Variants in RIT2 observed in about 807,000 individuals in gnomAD.
The protein encoded by RIT2 is Ras like without CAAX 2.
RIT2 carries 24 observed loss-of-function variants against 23.7 expected under a neutral mutation model. That is an observed-to-expected ratio of 1.01 (90% CI 0.73 to 1.43). RIT2 has a LOEUF of 1.43. Ranked by LOEUF, RIT2 falls within the 40% of genes most tolerant of loss-of-function variation. The pLI is 0.00. For missense variants in RIT2, 236 were observed against 266.9 expected (o/e 0.88, Z 0.81); for synonymous variants, 107 against 91.1 (o/e 1.17, Z -0.99).
At chr18:43,002,974 G>T (rs1295733056) in intron 2 of RIT2, among the ~76,000 whole-genome samples, 1 of 151,912 alleles carries the variant, frequency 6.6e-6, no homozygotes, top group Non-Finnish European at 1.5e-5. Context: ...ATAGAAATAT[G>T]CTGTGTTGTT....
At chr18:42,927,251 C>T (rs1431237857) in intron 3 of RIT2, among the ~76,000 whole-genome samples, 1 of 151,554 alleles carries the variant, frequency 6.6e-6, no homozygotes, top group Non-Finnish European at 1.5e-5. Context: ...AAAATCTTTC[C>T]ACCAATAAAA....
At chr18:42,834,055 A>G (rs374402085) in intron 4 of RIT2, among the ~76,000 whole-genome samples, 249 of 152,294 alleles carry the variant, frequency 1.6e-3, no homozygotes, top group African/African-American at 5.4e-3. Context: ...AAAGAGACGT[A>G]AAATAACTTG....
At chr18:43,097,500 A>G (rs1285984839) in intron 1 of RIT2, among the ~76,000 whole-genome samples, 1 of 151,976 alleles carries the variant, frequency 6.6e-6, no homozygotes, top group East Asian at 1.9e-4. Flanking sequence ...TGAAATTAAA[A>G]TAAGCAGAGA....
chr18:42,809,647 G>A (rs1905780797), intron 4 of RIT2, among the ~76,000 whole-genome samples: 2 of 151,324 alleles, frequency 1.3e-5, no homozygotes, highest in Admixed American at 6.6e-5. Context: ...TTTGATAGAA[G>A]AAATAACAAC....
At chr18:42,915,475 T>G (rs74326333) in intron 4 of RIT2, among the ~76,000 whole-genome samples, 6 of 152,068 alleles carry the variant, frequency 3.9e-5, no homozygotes, top group Non-Finnish European at 7.4e-5. Context: ...CAGCTTTGCT[T>G]TTTTCTTTTC....
intron 4 of RIT2, among the ~76,000 whole-genome samples, chr18:42,884,119 A>G (rs951471594): frequency 3.9e-5 from 6 of 152,232 alleles, no homozygotes; most frequent in Admixed American, 3.9e-4. Flanking sequence ...AGTCAATTTG[A>G]AAACAGAGCA....
At chr18:43,059,130 T>A (rs1190288723) in intron 1 of RIT2, among the ~76,000 whole-genome samples, 1 of 151,936 alleles carries the variant, frequency 6.6e-6, no homozygotes. Flanking sequence ...AGGAATGACA[T>A]GATCATCTTT....
intron 4 of RIT2, among the ~76,000 whole-genome samples, chr18:42,854,512 C>G (rs1907133915): frequency 6.6e-6 from 1 of 152,080 alleles, no homozygotes; most frequent in Admixed American, 6.5e-5. Flanking sequence ...ACCCAGAATG[C>G]TCTGTCATTA....
intron 2 of RIT2, among the ~76,000 whole-genome samples, chr18:42,989,780 C>A (rs1910796708): frequency 6.6e-6 from 1 of 152,050 alleles, no homozygotes; most frequent in Admixed American, 6.6e-5. Context: ...TCTTCGTGGC[C>A]TTTTTGATTA....
chr18:42,842,479 G>A (rs532780057), intron 4 of RIT2, among the ~76,000 whole-genome samples: 4 of 152,156 alleles, frequency 2.6e-5, no homozygotes, highest in African/African-American at 9.6e-5. Context: ...CTCAGTATAA[G>A]AAAGTGTATT....
intron 1 of RIT2, among the ~76,000 whole-genome samples, chr18:43,082,802 T>C (rs1439173591): frequency 6.6e-6 from 1 of 152,096 alleles, no homozygotes; most frequent in Non-Finnish European, 1.5e-5. Context: ...GCTAGAAGCA[T>C]TCCCTTTGAA....
At chr18:43,036,061 A>C (rs971004255) in intron 1 of RIT2, among the ~76,000 whole-genome samples, 11 of 152,218 alleles carry the variant, frequency 7.2e-5, no homozygotes, top group African/African-American at 2.4e-4. Context: ...GTTATGGGCT[A>C]AGTTAATTGC....
intron 4 of RIT2, among the ~76,000 whole-genome samples, chr18:42,902,766 C>T (rs1908510722): frequency 6.6e-6 from 1 of 150,740 alleles, no homozygotes; most frequent in Admixed American, 6.6e-5. Flanking sequence ...AAAAAAGAAA[C>T]AAGGAATTGT....
chr18:42,804,326 G>T (rs1468092006), intron 4 of RIT2, among the ~76,000 whole-genome samples: 1 of 151,974 alleles, frequency 6.6e-6, no homozygotes, highest in Non-Finnish European at 1.5e-5. Context: ...GGCCAAGGTG[G>T]GTGGATCACT....
chr18:42,877,086 A>T (rs1907762476), intron 4 of RIT2, among the ~76,000 whole-genome samples: 1 of 151,854 alleles, frequency 6.6e-6, no homozygotes, highest in South Asian at 2.1e-4. Context: ...CCCTTGAGAA[A>T]TATCATTTTT....
At chr18:43,016,807 G>A (rs145225551) in intron 2 of RIT2, among the ~76,000 whole-genome samples, 33 of 151,946 alleles carry the variant, frequency 2.2e-4, no homozygotes, top group Admixed American at 2.0e-3. Flanking sequence ...CTCACTTCGT[G>A]CTGAATAAAT....
intron 2 of RIT2, among the ~76,000 whole-genome samples, chr18:42,981,305 A>G (rs1417518047): frequency 6.6e-6 from 1 of 152,100 alleles, no homozygotes; most frequent in Non-Finnish European, 1.5e-5. Flanking sequence ...TGACAGAATG[A>G]GCTTAAATAC....
Position 43,069,899 on chromosome 18 carries a change from C to T in RIT2, c.104-36032G>A, listed in dbSNP as rs139147585. ...AACAATAAAATAATAACTTTCTCAC[C>T]TCTCTCTACCCCTCTTGTCGTGCCT... On this transcript the variant is annotated intron_variant, in intron 1 of 4. Coordinates refer to ENST00000326695, the MANE Select transcript of RIT2 (RefSeq NM_002930.4). Among the ~76,000 whole-genome samples, 509 of 152,188 alleles carry T rather than the reference C, an allele frequency of 3.3e-3. 3 individuals carry two copies. Among genetic ancestry groups the T allele is most frequent in the African/African-American group, 0.012 (481 of 41,506 alleles).
At chr18:42,858,444 AGAG>A (rs1363335394) in intron 4 of RIT2, among the ~76,000 whole-genome samples, 1 of 152,190 alleles carries the variant, frequency 6.6e-6, no homozygotes, top group Admixed American at 6.5e-5. Context: ...CAAGAACGGG[AGAG>A]GAGAAACCCA....
Sources: gnomAD v4.1 joint callset for allele counts (sites outside exome capture counted in the v4.1 genomes callset) on GRCh38, gnomAD v4.1.1 for gene constraint, MANE v1.5 for transcripts, NCBI Gene and HGNC (gene_info 2026-07-23, HGNC 2026-07-21) for gene names.